CPE: variants seen among roughly 807,000 people sequenced by gnomAD.
CPE encodes carboxypeptidase E.
In CPE, 17 loss-of-function variants were observed where a neutral mutation model predicts 53.5. The ratio of observed to expected loss-of-function variants is 0.32; its 90% confidence interval spans 0.22 to 0.48. The LOEUF is 0.48. Among genes scored for constraint, CPE ranks in the 20% least tolerant of loss-of-function variants. The probability of loss-of-function intolerance (pLI) is 0.99; values close to 1 mark genes in which losing one functional copy is unlikely to be tolerated. For synonymous variants in CPE, 226 were observed against 228.8 expected, an observed-to-expected ratio of 0.99 and a Z score of 0.11; for missense variants, 524 against 614.7, an observed-to-expected ratio of 0.85 and a Z score of 1.56.
intron 1 of CPE, among the ~76,000 whole-genome samples, chr4:165,396,132 C>A (rs907594095): frequency 2.6e-5 from 4 of 152,012 alleles, no homozygotes; most frequent in Non-Finnish European, 5.9e-5. Context: ...TTTTAGATAA[C>A]CAGATTTGCT....
intron 1 of CPE, among the ~76,000 whole-genome samples, chr4:165,429,498 T>G (rs1731374088): frequency 6.6e-6 from 1 of 151,342 alleles, no homozygotes; most frequent in African/African-American, 2.4e-5. Context: ...AGCCCAGGAG[T>G]TTGAGACCAG....
At position 165,421,682 on chromosome 4, in the gene CPE, A is replaced by AT. The variant is rs545243704; in HGVS notation, c.307+42154_307+42155insT. ...GAATTCTTAAAGTTTGATTTAGGCT[A>AT]AACATTGTGCTCACATTTTCATCCA... On this transcript the variant is annotated intron_variant, in intron 1 of 8. Transcript: ENST00000402744. Among the ~76,000 whole-genome samples the AT allele has an allele frequency of 5.4e-4, 82 of 152,320 alleles. 1 individual carries two copies. The highest frequency in any genetic ancestry group is 1.8e-4 in the Non-Finnish European group (12 of 68,030).
chr4:165,413,457 T>C (rs571883678), intron 1 of CPE, among the ~76,000 whole-genome samples: 1 of 152,314 alleles, frequency 6.6e-6, no homozygotes, highest in East Asian at 1.9e-4. Flanking sequence ...CCAGCTTCAT[T>C]AGGAGTGATG....
rs202021006 is a variant in CPE, at chr4:165,414,712, T to TAC, written c.307+35196_307+35197dup. ...ATATATATATACACACACACACACA[T>TAC]ACACACACACACATATTTACATATA... On this transcript the variant is annotated intron_variant, in intron 1 of 8. Transcript: ENST00000402744. 4.0e-5 allele frequency among the ~76,000 whole-genome samples: 6 copies of TAC among 150,192 alleles called. No individual in the cohort carries two copies. In the South Asian group the frequency reaches 8.5e-4, roughly 21 times the overall value.
At chr4:165,473,074 G>A (rs1418834562) in intron 3 of CPE, among the ~76,000 whole-genome samples, 2 of 151,044 alleles carry the variant, frequency 1.3e-5, no homozygotes, top group Non-Finnish European at 2.9e-5. Flanking sequence ...TGTACAGTTA[G>A]GAGTCAAAGT....
At chr4:165,431,423 A>T (rs1029211962) in intron 1 of CPE, among the ~76,000 whole-genome samples, 1 of 152,230 alleles carries the variant, frequency 6.6e-6, no homozygotes, top group African/African-American at 2.4e-5. Flanking sequence ...GAGAGAGGGC[A>T]GAAATTATGT....
intron 1 of CPE, among the ~76,000 whole-genome samples, chr4:165,459,634 T>C (rs1390202612): frequency 4.3e-5 from 5 of 115,310 alleles, no homozygotes; most frequent in Middle Eastern, 0.01. Flanking sequence ...CCGGGCGTGG[T>C]GGCTCACGTC....
At chr4:165,405,007 G>C (rs542312290) in intron 1 of CPE, 241 of 743,202 alleles carry the variant, frequency 3.2e-4, no homozygotes, top group South Asian at 1.3e-3. Context: ...AACTAAGGAA[G>C]TTGTGATGGA....
chr4:165,488,802 A>G (rs1056734985), intron 6 of CPE, among the ~76,000 whole-genome samples: 1 of 152,088 alleles, frequency 6.6e-6, no homozygotes, highest in Non-Finnish European at 1.5e-5. Context: ...GCTCTGTTGC[A>G]GTGGTCCCTA....
chr4:165,383,212 A>G (rs998926332), intron 1 of CPE, among the ~76,000 whole-genome samples: 2 of 152,156 alleles, frequency 1.3e-5, no homozygotes, highest in African/African-American at 4.8e-5. Context: ...TAAGTGCTCA[A>G]ATATGTCCCC....
chr4:165,392,146 AAACTATTTGGGATG>A (rs1260906839), intron 1 of CPE, among the ~76,000 whole-genome samples: 4 of 150,062 alleles, frequency 2.7e-5, no homozygotes, highest in African/African-American at 9.7e-5. Context: ...CAAGACGGTA[AAACTATTTGGGATG>A]GAGCATATAC....
At chr4:165,474,680 A>C (rs1306630660) in intron 3 of CPE, among the ~76,000 whole-genome samples, 2 of 152,200 alleles carry the variant, frequency 1.3e-5, no homozygotes, top group Non-Finnish European at 2.9e-5. Context: ...AACCGTTCTT[A>C]CTGTATACCC....
intron 4 of CPE, among the ~76,000 whole-genome samples, chr4:165,483,729 G>C (rs1359005841): frequency 1.3e-5 from 2 of 152,108 alleles, no homozygotes; most frequent in African/African-American, 4.8e-5. Context: ...GTGATGTTGA[G>C]GATTTTTCCA....
At position 165,379,245 on chromosome 4, in the gene CPE, G is replaced by A. The variant is rs1449151853; in HGVS notation, c.24G>A (p.Ala8=). Residue 8 remains alanine (A), a synonymous_variant, in exon 1 of 9, where the codon GCG becomes GCA. Transcript: ENST00000402744. This position sits in a 1 kb window ranked among gnomAD's most constrained non-coding sequence, Gnocchi z 6.0. MAGRGGS[A]LLALCGALAA... ...CGATGGCCGGGCGAGGGGGCAGCGCGCTGCTGGCTCTGTGCGGGGCACTGG... is the reference window on the plus strand; with the variant it reads ...CGATGGCCGGGCGAGGGGGCAGCGCACTGCTGGCTCTGTGCGGGGCACTGG... The A allele has an allele frequency of 5.5e-6, 7 of 1,264,680 alleles. No homozygotes were observed. The allele number at this position is 1,264,680 out of a possible 1,614,324, so 78.3% of individuals were successfully genotyped here.
intron 1 of CPE, among the ~76,000 whole-genome samples, chr4:165,389,094 A>C (rs1730641107): frequency 6.6e-6 from 1 of 152,226 alleles, no homozygotes; most frequent in African/African-American, 2.4e-5. Flanking sequence ...GTTTTGAGAA[A>C]ATGCTAAAGC....
At chr4:165,402,321 T>C (rs1202401230) in intron 1 of CPE, among the ~76,000 whole-genome samples, 1 of 152,246 alleles carries the variant, frequency 6.6e-6, no homozygotes, top group Admixed American at 6.5e-5. Context: ...TTCTCATAGT[T>C]ACACAGAATT....
Position 165,459,682 on chromosome 4 carries a change from G to C in CPE, c.308-4708G>C, listed in dbSNP as rs1001068997. Among the ~76,000 whole-genome samples, 4 of 127,866 alleles carry C rather than the reference G, an allele frequency of 3.1e-5. 1 individual carries two copies. The highest frequency in any genetic ancestry group is 5.0e-4 in the South Asian group (2 of 3,986). 83.9% of individuals were successfully genotyped at this position (127,866 alleles called of 152,430 possible). On this transcript the variant is annotated intron_variant, in intron 1 of 8. Coordinates refer to ENST00000402744, the MANE Select transcript of CPE (RefSeq NM_001873.4). ...ACTTTGGGAGGGCTGGGTGGGGGGG[G>C]GCGGGGCAGATCATGAGGTCAGGAG...
At chr4:165,438,384 A>G (rs1037751456) in intron 1 of CPE, among the ~76,000 whole-genome samples, 1 of 152,188 alleles carries the variant, frequency 6.6e-6, no homozygotes, top group African/African-American at 2.4e-5. Flanking sequence ...AGTGACAGGT[A>G]TATTTGGTAG....
Position 165,484,589 on chromosome 4 carries a change from T to C in CPE, c.958T>C (p.Tyr320His). The change falls in exon 5 of 9, where the codon TAC becomes CAC. Residue 320 changes from tyrosine (Y) to histidine (H), a missense_variant. Coordinates refer to ENST00000402744, the MANE Select transcript of CPE (RefSeq NM_001873.4). Reference protein sequence around the residue: ...VDGTTNGGAWYSVPGGMQDFN... With the variant: ...VDGTTNGGAWHSVPGGMQDFN... Reference sequence around the variant, plus strand: ...TGGAACCACCAACGGTGGTGCTTGGTACAGCGTACCTGGAGGTGAGTTTCC... The same window carrying C: ...TGGAACCACCAACGGTGGTGCTTGGCACAGCGTACCTGGAGGTGAGTTTCC... 1 of 1,613,906 alleles carries C rather than the reference T, an allele frequency of 6.2e-7. No homozygotes were observed. The highest frequency in any genetic ancestry group is 8.5e-7 in the Non-Finnish European group (1 of 1,179,858).
Sources: gnomAD v4.1 joint callset for allele counts (sites outside exome capture counted in the v4.1 genomes callset) on GRCh38, gnomAD v4.1.1 for gene constraint, Gnocchi (gnomAD v3.1) non-coding constraint, MANE v1.5 for transcripts, NCBI Gene and HGNC (gene_info 2026-07-23, HGNC 2026-07-21) for gene names.